Variants in DNAH5 observed in about 807,000 individuals in gnomAD.
DNAH5 encodes dynein axonemal heavy chain 5.
In DNAH5, 372 loss-of-function variants were observed where a neutral mutation model predicts 518.2. The observed-to-expected ratio is 0.72, with a 90% CI of 0.66 to 0.78. The LOEUF (loss-of-function observed/expected upper bound fraction) is 0.78. Ranked by LOEUF, DNAH5 falls within the 30% of genes least tolerant of loss-of-function variation. The pLI, the probability that DNAH5 is intolerant of heterozygous loss-of-function variation, is 0.00. For missense variants in DNAH5, 5,523 were observed against 5,687.0 expected (o/e 0.97, Z 0.93); for synonymous variants, 2,039 against 2,025.9 (o/e 1.01, Z -0.17).
intron 52 of DNAH5, among the ~76,000 whole-genome samples, chr5:13,782,963 C>A (rs1449315258): frequency 6.6e-6 from 1 of 152,162 alleles, no homozygotes; most frequent in East Asian, 1.9e-4. Context: ...CCCTCAGGAG[C>A]TCACGCTGGA....
At chr5:13,838,635 T>C (rs763384121) in intron 35 of DNAH5, among the ~76,000 whole-genome samples, 7 of 152,334 alleles carry the variant, frequency 4.6e-5, no homozygotes, top group Admixed American at 6.5e-5. Context: ...TCACTGATTC[T>C]AAATTATAGT....
chr5:13,945,895 G>A (rs1287603871), upstream of DNAH5, among the ~76,000 whole-genome samples: 2 of 152,156 alleles, frequency 1.3e-5, no homozygotes, highest in Non-Finnish European at 2.9e-5. Flanking sequence ...TGAGCCACCA[G>A]GCCAGGCCCT....
intron 15 of DNAH5, chr5:13,898,850 C>T (rs1474451937): frequency 7.9e-6 from 3 of 377,426 alleles, no homozygotes; most frequent in South Asian, 1.5e-4. Flanking sequence ...TTCTTCATCC[C>T]CTGGGTAGCA....
intron 16 of DNAH5, among the ~76,000 whole-genome samples, chr5:13,891,464 C>A (rs1436443563): frequency 6.6e-6 from 1 of 152,090 alleles, no homozygotes; most frequent in Non-Finnish European, 1.5e-5. Flanking sequence ...CTGGGGCCAT[C>A]GTTCCTTCTC....
chr5:13,881,830 C>A (rs1201373544), intron 21 of DNAH5, among the ~76,000 whole-genome samples: 2 of 151,792 alleles, frequency 1.3e-5, no homozygotes, highest in African/African-American at 4.8e-5. Context: ...AAATAAAGAT[C>A]AGAGCATAAA....
Position 13,914,863 on chromosome 5 carries a change from C to T in DNAH5, c.1198-221G>A, listed in dbSNP as rs16902945. On this transcript the variant is annotated intron_variant, in intron 9 of 78. Coordinates refer to ENST00000265104, the MANE Select transcript of DNAH5 (RefSeq NM_001369.3). Reference sequence around the variant, plus strand: ...AGTTGGAAGCACCATGGAAAATCGACAATTTAGGCCACCTTGTCTATGCAG... The same window carrying T: ...AGTTGGAAGCACCATGGAAAATCGATAATTTAGGCCACCTTGTCTATGCAG... Among the ~76,000 whole-genome samples, 3,232 of 152,134 alleles carry T rather than the reference C, an allele frequency of 0.021. 121 individuals carry two copies. Among genetic ancestry groups the T allele is most frequent in the African/African-American group, 0.074 (3,053 of 41,530 alleles).
Position 13,859,688 on chromosome 5 carries a change from A to T in DNAH5, c.4797-83T>A, listed in dbSNP as rs1433676861. ...ATTAAAAAGGTTTTTAAAAATCTTAATTTTTAACCGCTTTCTTTACAACCT... is the reference window on the plus strand; with the variant it reads ...ATTAAAAAGGTTTTTAAAAATCTTATTTTTTAACCGCTTTCTTTACAACCT... On this transcript the variant is annotated intron_variant, in intron 29 of 78. Transcript: ENST00000265104. The T allele has an allele frequency of 6.6e-6, 9 of 1,373,098 alleles. No homozygotes were observed. The East Asian group carries it at 1.8e-4, about 28-fold the overall frequency. 85.1% of individuals were successfully genotyped at this position (1,373,098 alleles called of 1,614,324 possible).
Position 13,786,362 on chromosome 5 carries a change from A to G in DNAH5, c.8648-11T>C. On this transcript the variant is annotated splice_polypyrimidine_tract_variant and intron_variant, in intron 51 of 78. Coordinates refer to ENST00000265104, the MANE Select transcript of DNAH5 (RefSeq NM_001369.3). ...CTTCAGATGTTTCACCTTTGGTGGG[A>G]AATAAGAATCAGTTAAGTTTCTGCA... 1 of 1,613,670 alleles carries G rather than the reference A, an allele frequency of 6.2e-7. No homozygotes were observed. The highest frequency in any genetic ancestry group is 8.5e-7 in the Non-Finnish European group (1 of 1,179,920).
intron 1 of DNAH5, among the ~76,000 whole-genome samples, chr5:14,009,612 A>C (rs1784978869): frequency 6.6e-6 from 1 of 152,000 alleles, no homozygotes; most frequent in Non-Finnish European, 1.5e-5. Flanking sequence ...TAACCTGCCA[A>C]TATGAGGGTT....
intron 1 of DNAH5, among the ~76,000 whole-genome samples, chr5:13,999,151 C>T (rs1055391496): frequency 6.6e-6 from 1 of 152,212 alleles, no homozygotes; most frequent in Non-Finnish European, 1.5e-5. Context: ...GGATTACAGG[C>T]GTGAGCCACG....
chr5:13,792,201 G>A lies in DNAH5; in HGVS notation c.8241C>T (p.Gly2747=). The A allele has an allele frequency of 1.2e-6, 2 of 1,613,764 alleles. No homozygotes were observed. The highest frequency in any genetic ancestry group is 3.3e-4 in the Middle Eastern group (2 of 6,060). Residue 2747 remains glycine (G), a synonymous_variant, in exon 50 of 79, where the codon GGC becomes GGT. Coordinates refer to ENST00000265104, the MANE Select transcript of DNAH5 (RefSeq NM_001369.3). The stretch of plus-strand genomic sequence containing the variant: ...AGAAACCCCTCTGAGTACAGTAGTG[G>A]CCTACCCCAATCACACCTGAAAAGG... The part of the protein sequence containing the change: ...VDKIFGVIGV[G]HYCTQRGFSE...
Position 13,769,051 on chromosome 5 carries a change from AT to A in DNAH5, c.9805del (p.Ile3269LeufsTer23). The A allele has an allele frequency of 1.2e-6, 2 of 1,614,190 alleles. No individual in the cohort carries two copies. Among genetic ancestry groups the A allele is most frequent in the South Asian group, 2.2e-5 (2 of 91,088 alleles). On this transcript the variant is annotated frameshift_variant, in exon 58 of 79. Coordinates refer to ENST00000265104, the MANE Select transcript of DNAH5 (RefSeq NM_001369.3). LOFTEE classifies it high-confidence loss of function. ...VQKVKDRAQA[I>X]VDSISKDKAI... ...TTTGTCTTTAGAGATGCTGTCCACA[AT>A]GGCCTGGGCCCTGTCCTTCACCTTC...
At chr5:13,866,466 C>A (rs542273135) in intron 25 of DNAH5, among the ~76,000 whole-genome samples, 184 bp from the exon 26 acceptor site, 3 of 152,082 alleles carry the variant, frequency 2.0e-5, no homozygotes, top group African/African-American at 7.2e-5. Flanking sequence ...TCTAAAAAAG[C>A]CAAATTAATG....
intron 31 of DNAH5, among the ~76,000 whole-genome samples, chr5:13,848,898 T>G (rs1185449878): frequency 6.6e-6 from 1 of 152,208 alleles, no homozygotes; most frequent in African/African-American, 2.4e-5. Flanking sequence ...CACAGACTGG[T>G]GCCGAGGTTT....
Position 13,792,117 on chromosome 5 carries a change from C to T in DNAH5, c.8325G>A (p.Gln2775=). The T allele has an allele frequency of 6.2e-7, 1 of 1,614,050 alleles. No homozygotes were observed. The highest frequency in any genetic ancestry group is 1.1e-5 in the South Asian group (1 of 91,074). The change falls in exon 50 of 79, where the codon CAG becomes CAA. Residue 2775 remains glutamine, a synonymous_variant. Transcript: ENST00000265104. ...KLVPLTRRLW[Q]MTKIKMLPTP... is the part of the protein sequence containing the mutation. ...TAGGAAGCATTTTAATCTTGGTCAT[C>T]TGCCATAGTCGGCGTGTCAGAGGCA...
At chr5:13,821,823 C>T (rs1389751076) in intron 40 of DNAH5, among the ~76,000 whole-genome samples, 1 of 152,042 alleles carries the variant, frequency 6.6e-6, no homozygotes, top group African/African-American at 2.4e-5. Flanking sequence ...GATAGAGTCT[C>T]ATTTCTGTCA....
chr5:13,746,747 T>C (rs1313536236), intron 65 of DNAH5, among the ~76,000 whole-genome samples: 2 of 152,142 alleles, frequency 1.3e-5, no homozygotes, highest in African/African-American at 2.4e-5. Context: ...CATGACTCTG[T>C]TAAGCAAACA....
intron 15 of DNAH5, among the ~76,000 whole-genome samples, chr5:13,896,414 A>G (rs1773921886): frequency 6.6e-6 from 1 of 152,070 alleles, no homozygotes; most frequent in Admixed American, 6.5e-5. Context: ...TAAGTACTCA[A>G]ATGATACTTT....
intron 1 of DNAH5, among the ~76,000 whole-genome samples, chr5:13,971,046 G>T (rs1270919601): frequency 6.6e-6 from 1 of 151,928 alleles, no homozygotes; most frequent in Non-Finnish European, 1.5e-5. Context: ...AAGCTCTGAA[G>T]TTCTTTCTTC....
Sources: gnomAD v4.1 joint callset for allele counts (sites outside exome capture counted in the v4.1 genomes callset) on GRCh38, gnomAD v4.1.1 for gene constraint, MANE v1.5 for transcripts, NCBI Gene and HGNC (gene_info 2026-07-23, HGNC 2026-07-21) for gene names.